CAST: variants seen among roughly 807,000 people sequenced by gnomAD.
CAST encodes the protein calpastatin, also known as MIR583 host.
In CAST, 76 loss-of-function variants were observed where a neutral mutation model predicts 119.6. That is an observed-to-expected ratio of 0.64 (90% confidence interval 0.53 to 0.77). CAST has a LOEUF of 0.77. CAST is among the 30% of genes least tolerant of loss of function. CAST has a pLI of 0.00. For synonymous variants in CAST, 319 were observed against 331.6 expected, an observed-to-expected ratio of 0.96 and a Z score of 0.41; for missense variants, 953 against 946.5, an observed-to-expected ratio of 1.01 and a Z score of -0.09.
At chr5:96,170,998 C>T in the CAST span, among the ~76,000 whole-genome samples, 7 of 151,794 alleles carry the variant, frequency 4.6e-5, no homozygotes, top group Non-Finnish European at 7.4e-5. Context: ...CAGATGGGTC[C>T]GTAGAAAAGG....
At chr5:96,592,452 C>A (rs1471583981) in intron 1 of CAST, among the ~76,000 whole-genome samples, 1 of 152,114 alleles carries the variant, frequency 6.6e-6, no homozygotes, top group Non-Finnish European at 1.5e-5. Context: ...CTGTATGTGG[C>A]ATTATGCTTT....
chr5:96,221,181 T>C, the CAST span, among the ~76,000 whole-genome samples: 7 of 152,034 alleles, frequency 4.6e-5, no homozygotes, highest in African/African-American at 1.7e-4. Flanking sequence ...ACAGATGTAG[T>C]CAAGTTAAGT....
At chr5:96,214,041 C>A in the CAST span, among the ~76,000 whole-genome samples, 68 of 152,220 alleles carry the variant, frequency 4.5e-4, no homozygotes, top group African/African-American at 1.6e-3. Flanking sequence ...TGTATTGGTA[C>A]ATATAGAATA....
the CAST span, among the ~76,000 whole-genome samples, chr5:95,999,481 C>T: frequency 1.3e-5 from 2 of 152,112 alleles, no homozygotes; most frequent in African/African-American, 4.8e-5. Flanking sequence ...TCTTGAGTAG[C>T]TGGGACCACA....
chr5:96,205,684 A>G, the CAST span, among the ~76,000 whole-genome samples: 1 of 152,132 alleles, frequency 6.6e-6, no homozygotes, highest in Non-Finnish European at 1.5e-5. Context: ...TCTATGGTAT[A>G]TATGTAGCAC....
intron 1 of CAST, among the ~76,000 whole-genome samples, chr5:96,643,391 T>C (rs1747976681): frequency 1.3e-5 from 2 of 152,184 alleles, no homozygotes. Context: ...TTAGTAGTTG[T>C]TTATGGCTGG....
At chr5:96,510,283 G>C in the CAST span, among the ~76,000 whole-genome samples, 7 of 152,304 alleles carry the variant, frequency 4.6e-5, no homozygotes, top group East Asian at 1.4e-3. Flanking sequence ...TTTGGAAATA[G>C]TGCATAAAAA....
the CAST span, chr5:96,390,915 G>A: frequency 6.6e-6 from 1 of 152,442 alleles, no homozygotes; most frequent in Admixed American, 6.6e-5. Flanking sequence ...GAGTTGGCTG[G>A]GGTTTTAACC....
chr5:96,151,532 G>C, the CAST span, among the ~76,000 whole-genome samples: 2 of 151,902 alleles, frequency 1.3e-5, no homozygotes, highest in Non-Finnish European at 2.9e-5. Context: ...AGTGCAGAGG[G>C]TGGTAGTGGA....
At chr5:96,743,843 C>T (rs530710524) in intron 16 of CAST, 64 of 853,724 alleles carry the variant, frequency 7.5e-5, no homozygotes, top group East Asian at 5.3e-4. Context: ...TTGAGGAAAG[C>T]GGGGTGTTGG....
the CAST span, among the ~76,000 whole-genome samples, chr5:95,970,479 T>G: frequency 1.3e-5 from 2 of 152,236 alleles, no homozygotes; most frequent in Non-Finnish European, 2.9e-5. Flanking sequence ...TTGCTTTTGG[T>G]AGTAGCCACA....
intron 20 of CAST, among the ~76,000 whole-genome samples, chr5:96,752,550 ATAACCTCAGGGATTTTTTTTTTTTT>A (rs1440755529): frequency 1.4e-4 from 8 of 57,984 alleles, no homozygotes; most frequent in African/African-American, 3.9e-4. Context: ...AACCTCAGGG[ATAACCTCAGGGATTTTTTTTTTTTT>A]TTTTTTTTTT....
chr5:96,362,439 C>A, the CAST span, among the ~76,000 whole-genome samples: 1 of 152,216 alleles, frequency 6.6e-6, no homozygotes, highest in East Asian at 1.9e-4. Context: ...AACTAGTTTA[C>A]AGTCCCACCA....
At chr5:96,024,520 A>G in the CAST span, among the ~76,000 whole-genome samples, 1 of 152,190 alleles carries the variant, frequency 6.6e-6, no homozygotes, top group African/African-American at 2.4e-5. Flanking sequence ...TTTTGTTTGT[A>G]CCAAAGAACT....
the CAST span, among the ~76,000 whole-genome samples, chr5:96,187,201 C>T: frequency 0.026 from 3,890 of 151,866 alleles, 180 homozygotes; most frequent in African/African-American, 0.09. Flanking sequence ...TGATATCCCC[C>T]GTATCATTTT....
chr5:96,762,362 G>A lies in CAST; in HGVS notation c.1922G>A (p.Arg641His), dbSNP rs149604986. 50 of 1,594,350 alleles carry A rather than the reference G, an allele frequency of 3.1e-5. No homozygotes were observed. Among genetic ancestry groups the A allele is most frequent in the Non-Finnish European group, 3.8e-5 (44 of 1,172,502 alleles). Residue 641 changes from arginine to histidine, a missense_variant, in exon 25 of 32, where the codon CGT (arginine) becomes CAT (histidine). Transcript: ENST00000675179. ...ASTTQAGAPP[R>H]DTSQSDKDLD... ...ACGACCCAAGCTGGAGCCCCACCCC[G>A]TGATACCTCGGTAAGCAGCACATCT...
the CAST span, among the ~76,000 whole-genome samples, chr5:96,500,585 A>G: frequency 6.6e-6 from 1 of 152,118 alleles, no homozygotes; most frequent in African/African-American, 2.4e-5. Context: ...ATGGTCACAG[A>G]GGTTGGTCTC....
chr5:96,767,515 T>C, intron 28 of CAST, 33 bp downstream of exon 28: 1 of 1,588,416 alleles, frequency 6.3e-7, no homozygotes. Flanking sequence ...TCCATTAAAT[T>C]TTGTTTTATT....
At chr5:96,171,267 G>A in the CAST span, among the ~76,000 whole-genome samples, 8 of 152,278 alleles carry the variant, frequency 5.3e-5, no homozygotes, top group East Asian at 1.9e-4. Context: ...GGGGCCAAGC[G>A]GTGTTGCAGA....
Sources: gnomAD v4.1 joint callset for allele counts (sites outside exome capture counted in the v4.1 genomes callset) on GRCh38, gnomAD v4.1.1 for gene constraint, MANE v1.5 for transcripts, NCBI Gene and HGNC (gene_info 2026-07-23, HGNC 2026-07-21) for gene names.